The following RAD51B variants were observed in gnomAD, a reference collection of about 807,000 sequenced individuals.
RAD51B encodes RAD51 paralog B.
In RAD51B, 38 loss-of-function variants were observed where a neutral mutation model predicts 42.2. The ratio of observed to expected loss-of-function variants is 0.90; its 90% confidence interval spans 0.70 to 1.18. RAD51B has a LOEUF of 1.18. RAD51B is among the 50% of genes most tolerant of loss of function. The pLI, the probability that RAD51B is intolerant of heterozygous loss-of-function variation, is 0.00. For missense variants in RAD51B, 373 were observed against 400.7 expected (o/e 0.93, Z 0.59); for synonymous variants, 154 against 145.2 (o/e 1.06, Z -0.43).
intron 7 of RAD51B, among the ~76,000 whole-genome samples, chr14:68,048,647 A>G (rs2076341602): frequency 6.6e-6 from 1 of 152,238 alleles, no homozygotes; most frequent in Admixed American, 6.5e-5. Flanking sequence ...GCAAATCAAA[A>G]CCACAGTGAA....
rs540365652 is a variant in RAD51B at position 68,634,691 on chromosome 14, G to T, written c.1037-16090G>T. Among the ~76,000 whole-genome samples, 147 of 152,294 alleles carry T rather than the reference G, an allele frequency of 9.7e-4. 2 individuals carry two copies. In the South Asian group the frequency reaches 0.018, roughly 18 times the overall value. On this transcript the variant is annotated intron_variant, in intron 10 of 11. Transcript: ENST00000488612. ...CTAGTCAGCCAGTAATGGGGTGGGG[G>T]TGAGACGGAGGTGGAGCCTCTGGAA...
At chr14:68,145,895 A>G (rs1422562278) in intron 7 of RAD51B, among the ~76,000 whole-genome samples, 2 of 152,220 alleles carry the variant, frequency 1.3e-5, no homozygotes, top group Non-Finnish European at 2.9e-5. Context: ...TATATAGTCT[A>G]TGTAGAATAT....
At chr14:68,177,820 A>G (rs2078990259) in intron 7 of RAD51B, among the ~76,000 whole-genome samples, 1 of 152,130 alleles carries the variant, frequency 6.6e-6, no homozygotes, top group Admixed American at 6.6e-5. Context: ...TTGATCATTG[A>G]GCCACTGTTG....
chr14:67,826,686 C>CT (rs34773405), intron 3 of RAD51B, among the ~76,000 whole-genome samples: 271 of 142,408 alleles, frequency 1.9e-3, no homozygotes, highest in East Asian at 0.019. Flanking sequence ...TATTTTCTTT[C>CT]TTTTTTTTTT....
intron 8 of RAD51B, among the ~76,000 whole-genome samples, chr14:68,317,399 G>C (rs1314633397): frequency 1.3e-5 from 2 of 152,178 alleles, no homozygotes; most frequent in Non-Finnish European, 2.9e-5. Flanking sequence ...TTAAGAACTA[G>C]TAGTCCAGTG....
intron 7 of RAD51B, among the ~76,000 whole-genome samples, chr14:67,939,945 AT>A (rs1476402055): frequency 6.9e-6 from 1 of 144,050 alleles, no homozygotes; most frequent in African/African-American, 2.6e-5. Context: ...ATATTCTGTA[AT>A]TATGCCTCAT....
At chr14:68,314,446 C>T (rs2082018538) in intron 8 of RAD51B, among the ~76,000 whole-genome samples, 1 of 152,218 alleles carries the variant, frequency 6.6e-6, no homozygotes, top group Non-Finnish European at 1.5e-5. Flanking sequence ...GAAAGGCAGA[C>T]TTAAAATGCT....
At chr14:67,922,857 A>C (rs1384916311) in intron 7 of RAD51B, among the ~76,000 whole-genome samples, 3 of 151,896 alleles carry the variant, frequency 2.0e-5, no homozygotes, top group African/African-American at 4.8e-5. Flanking sequence ...ACGCCTGGCT[A>C]ATTTTTGTAT....
intron 5 of RAD51B, among the ~76,000 whole-genome samples, chr14:67,878,348 G>T (rs1209879947): frequency 1.3e-5 from 2 of 151,788 alleles, no homozygotes; most frequent in South Asian, 2.1e-4. Flanking sequence ...TATTTCTTTG[G>T]CAAATTACCT....
At chr14:68,566,167 T>G (rs1343464629) in intron 10 of RAD51B, among the ~76,000 whole-genome samples, 4 of 152,212 alleles carry the variant, frequency 2.6e-5, no homozygotes, top group Non-Finnish European at 5.9e-5. Context: ...AGCTTTTTAC[T>G]AGAATGTTTG....
chr14:68,183,310 TAAGG>T (rs2079090666), intron 7 of RAD51B, among the ~76,000 whole-genome samples: 1 of 152,050 alleles, frequency 6.6e-6, no homozygotes, highest in Admixed American at 6.6e-5. Flanking sequence ...GTCTAAAAGC[TAAGG>T]AATTTGGAGT....
chr14:68,402,072 A>C (rs1353221109), intron 8 of RAD51B, among the ~76,000 whole-genome samples: 2 of 152,336 alleles, frequency 1.3e-5, no homozygotes, highest in East Asian at 3.9e-4. Flanking sequence ...GCTGGTTCAC[A>C]GATTCAGTTA....
At position 68,339,502 on chromosome 14, in the gene RAD51B, C is replaced by G. The variant is rs973685903; in HGVS notation, c.853+47522C>G. The G allele has an allele frequency of 1.8e-4, 79 of 429,100 alleles. 1 individual carries two copies. Among genetic ancestry groups the G allele is most frequent in the Non-Finnish European group, 3.0e-4 (72 of 243,714 alleles). The allele number at this position is 429,100 out of a possible 1,614,324, so 26.6% of individuals were successfully genotyped here. ...ACAGCAGGAGCTGGAGCCATTTTTT[C>G]TCCTTGGCTTTCTTTCCTTTCAGCA... is the stretch of plus-strand genomic sequence containing the variant. On this transcript the variant is annotated intron_variant, in intron 8 of 10. Coordinates refer to ENST00000471583, the MANE Select transcript of RAD51B (RefSeq NM_133510.4).
chr14:67,893,875 T>TG (rs1195002934), intron 7 of RAD51B, among the ~76,000 whole-genome samples: 1 of 152,166 alleles, frequency 6.6e-6, no homozygotes, highest in Non-Finnish European at 1.5e-5. Context: ...ATTTAAACCC[T>TG]GCTCTTCATC....
Position 68,408,198 on chromosome 14 carries a change from A to T in RAD51B, c.854-3226A>T, listed in dbSNP as rs117048556. Among the ~76,000 whole-genome samples the T allele has an allele frequency of 8.8e-3, 1,341 of 152,308 alleles. 7 individuals carry two copies. The highest frequency in any genetic ancestry group is 0.021 in the South Asian group (99 of 4,824). On this transcript the variant is annotated intron_variant, in intron 8 of 10. Transcript: ENST00000471583. ...AGGTAGGAGAAATGAATGGATGGAT[A>T]TAGGTAGGATTTTACAGTTAAATCA...
At chr14:68,084,881 G>A (rs2076962670) in intron 7 of RAD51B, among the ~76,000 whole-genome samples, 1 of 152,188 alleles carries the variant, frequency 6.6e-6, no homozygotes, top group Non-Finnish European at 1.5e-5. Context: ...AAGTCTGATG[G>A]TAGACCAGTT....
At chr14:68,509,640 G>A (rs1008792923) in intron 10 of RAD51B, among the ~76,000 whole-genome samples, 3 of 152,222 alleles carry the variant, frequency 2.0e-5, no homozygotes, top group Non-Finnish European at 4.4e-5. Flanking sequence ...TTGTTAACAG[G>A]CTTGTAAGTG....
intron 10 of RAD51B, among the ~76,000 whole-genome samples, chr14:68,530,077 AC>A (rs1693607703): frequency 6.6e-6 from 1 of 152,180 alleles, no homozygotes; most frequent in Non-Finnish European, 1.5e-5. Context: ...ATGAAGATAT[AC>A]TGAGAAGCTC....
chr14:68,211,870 T>G (rs566146664), intron 7 of RAD51B, among the ~76,000 whole-genome samples: 2 of 152,358 alleles, frequency 1.3e-5, no homozygotes, highest in South Asian at 2.1e-4. Flanking sequence ...AGTCCTTCTT[T>G]GTTGGAAATT....
Sources: allele counts gnomAD v4.1 joint callset (sites outside exome capture counted in the v4.1 genomes callset), GRCh38; gene constraint gnomAD v4.1.1; transcripts MANE v1.5; gene names NCBI Gene and HGNC (gene_info 2026-07-23, HGNC 2026-07-21).